The following OXCT1 variants were observed in gnomAD, a reference collection of about 807,000 sequenced individuals.
The protein encoded by OXCT1 is succinyl-CoA:3-ketoacid coenzyme A transferase 1, mitochondrial.
In OXCT1, 27 loss-of-function variants were observed where a neutral mutation model predicts 69.6. The ratio of observed to expected loss-of-function variants is 0.39; its 90% confidence interval spans 0.29 to 0.54. The LOEUF (loss-of-function observed/expected upper bound fraction) is 0.54, where lower values mean the gene tolerates loss of function less well. OXCT1 is among the 20% of genes least tolerant of loss of function. The pLI is 0.72. For missense variants in OXCT1, 437 were observed against 650.2 expected (o/e 0.67, Z 3.57); for synonymous variants, 202 against 217.8 (o/e 0.93, Z 0.64).
intron 13 of OXCT1, among the ~76,000 whole-genome samples, chr5:41,790,799 A>C (rs547935724): frequency 1.1e-4 from 17 of 152,350 alleles, no homozygotes; most frequent in African/African-American, 3.8e-4. Flanking sequence ...CTGAAATTAC[A>C]TAAGGAAGGT....
intron 16 of OXCT1, among the ~76,000 whole-genome samples, chr5:41,736,946 G>T (rs1338894848): frequency 1.3e-5 from 2 of 152,160 alleles, no homozygotes; most frequent in African/African-American, 4.8e-5. Flanking sequence ...AATGTCTTCT[G>T]AATTGTCAAG....
intron 3 of OXCT1, among the ~76,000 whole-genome samples, chr5:41,857,616 A>G (rs975791414): frequency 6.6e-6 from 1 of 152,210 alleles, no homozygotes; most frequent in Admixed American, 6.5e-5. Flanking sequence ...GTTACAGCCT[A>G]TTGGATAACC....
At chr5:41,736,354 C>G (rs569966699) in intron 16 of OXCT1, among the ~76,000 whole-genome samples, 12 of 152,326 alleles carry the variant, frequency 7.9e-5, no homozygotes, top group Non-Finnish European at 1.3e-4. Flanking sequence ...CGATGGAAAA[C>G]TCCAACTTTC....
chr5:41,737,679 A>G (rs543219727), intron 16 of OXCT1, among the ~76,000 whole-genome samples: 7 of 152,376 alleles, frequency 4.6e-5, no homozygotes, highest in Non-Finnish European at 1.0e-4. Context: ...ACATTCAAAA[A>G]AAGTTAATAG....
chr5:41,868,362 G>A (rs1454519472), intron 1 of OXCT1, among the ~76,000 whole-genome samples: 2 of 152,152 alleles, frequency 1.3e-5, no homozygotes, highest in Non-Finnish European at 2.9e-5. Flanking sequence ...CTGTCATCTG[G>A]TTGAGGAGAC....
chr5:41,819,933 C>A (rs923446500), intron 7 of OXCT1, among the ~76,000 whole-genome samples: 2 of 152,102 alleles, frequency 1.3e-5, no homozygotes, highest in Non-Finnish European at 2.9e-5. Flanking sequence ...CTACTAACTA[C>A]AGGCAATCAA....
Position 41,870,003 on chromosome 5 carries a change from C to A in OXCT1, c.78+278G>T. 3 of 481,240 alleles carry A rather than the reference C, an allele frequency of 6.2e-6. No homozygotes were observed. Among genetic ancestry groups the A allele is most frequent in the Non-Finnish European group, 7.7e-6 (2 of 261,386 alleles). The allele number at this position is 481,240 out of a possible 1,614,324, so 29.8% of individuals were successfully genotyped here. A position where few individuals can be genotyped will look rare whatever the true frequency, so the allele number is the denominator to read the frequency against. Reference sequence around the variant, plus strand: ...GCGCCAAAGGGCTCGGGAGCGCTGCCAGGAGTCCTCCCGCCCCTTCTCAGC... The same window carrying A: ...GCGCCAAAGGGCTCGGGAGCGCTGCAAGGAGTCCTCCCGCCCCTTCTCAGC... On this transcript the variant is annotated intron_variant, in intron 1 of 16. Transcript: ENST00000196371. The surrounding 1 kb of genome is among the most constrained non-coding windows in gnomAD (Gnocchi z 4.2).
chr5:41,734,704 G>A (rs1156273403), intron 16 of OXCT1, among the ~76,000 whole-genome samples: 1 of 152,114 alleles, frequency 6.6e-6, no homozygotes, highest in Non-Finnish European at 1.5e-5. Flanking sequence ...TGAAAATGTT[G>A]GGCCCTAGTA....
At chr5:41,834,725 G>A (rs777885219) in intron 7 of OXCT1, among the ~76,000 whole-genome samples, 2 of 152,016 alleles carry the variant, frequency 1.3e-5, no homozygotes, top group African/African-American at 4.8e-5. Flanking sequence ...TACAACAGCT[G>A]GAGACTTCCA....
intron 12 of OXCT1, chr5:41,794,367 A>G (rs1305758050): frequency 1.7e-6 from 1 of 593,446 alleles, no homozygotes; most frequent in Admixed American, 3.1e-5. Flanking sequence ...GAACACAAAC[A>G]CTAGCTAGAA....
intron 13 of OXCT1, among the ~76,000 whole-genome samples, chr5:41,792,970 T>C (rs936210986): frequency 1.3e-5 from 2 of 152,178 alleles, no homozygotes; most frequent in African/African-American, 2.4e-5. Context: ...GGTATTCTAA[T>C]ACACCACCAA....
At chr5:41,766,322 C>A (rs1005705348) in intron 13 of OXCT1, among the ~76,000 whole-genome samples, 1 of 152,002 alleles carries the variant, frequency 6.6e-6, no homozygotes, top group Non-Finnish European at 1.5e-5. Flanking sequence ...TTCAAGTATC[C>A]TCAATTCACA....
At chr5:41,770,112 T>C (rs192027950) in intron 13 of OXCT1, among the ~76,000 whole-genome samples, 1 of 152,212 alleles carries the variant, frequency 6.6e-6, no homozygotes, top group Non-Finnish European at 1.5e-5. Context: ...TTCAACCCAG[T>C]GCAGTTGCTA....
intron 14 of OXCT1, among the ~76,000 whole-genome samples, chr5:41,761,088 T>A (rs1287723716): frequency 6.6e-6 from 1 of 152,034 alleles, no homozygotes; most frequent in Non-Finnish European, 1.5e-5. Context: ...TAAAGGAGGA[T>A]GAAGAGAAGG....
chr5:41,798,330 C>T (rs1746273747), intron 11 of OXCT1, among the ~76,000 whole-genome samples: 1 of 152,180 alleles, frequency 6.6e-6, no homozygotes, highest in Non-Finnish European at 1.5e-5. Flanking sequence ...CCCTGTGATT[C>T]TTCAGATGTG....
At chr5:41,849,545 A>T (rs887649545) in intron 5 of OXCT1, among the ~76,000 whole-genome samples, 4 of 152,198 alleles carry the variant, frequency 2.6e-5, no homozygotes, top group Admixed American at 6.5e-5. Flanking sequence ...TGTGTCCAAG[A>T]TACAAAATAA....
At chr5:41,852,302 G>T (rs531495564) in intron 4 of OXCT1, among the ~76,000 whole-genome samples, 2 of 152,280 alleles carry the variant, frequency 1.3e-5, no homozygotes, top group South Asian at 4.1e-4. Flanking sequence ...GAGTGACCAG[G>T]TGTGACTGCA....
At position 41,842,731 on chromosome 5, in the gene OXCT1, C is replaced by T. The variant is rs1473913282; in HGVS notation, c.615G>A (p.Gly205=). 1 of 1,613,854 alleles carries T rather than the reference C, an allele frequency of 6.2e-7. No homozygotes were observed. Among genetic ancestry groups the T allele is most frequent in the Non-Finnish European group, 8.5e-7 (1 of 1,179,772 alleles). Residue 205 remains glycine (G), a synonymous_variant, in exon 6 of 17, where the codon GGG becomes GGA. Coordinates refer to ENST00000196371, the MANE Select transcript of OXCT1 (RefSeq NM_000436.4). ...QHFILEEAIT[G]DFALVKAWKA... Reference sequence around the variant, plus strand: ...TCCAGGCTTTCACCAAAGCAAAATCCCCTGTAATTGCTTCCTCCAAAATAA... The same window carrying T: ...TCCAGGCTTTCACCAAAGCAAAATCTCCTGTAATTGCTTCCTCCAAAATAA...
chr5:41,745,162 T>A (rs1743405210), intron 15 of OXCT1, among the ~76,000 whole-genome samples: 1 of 151,808 alleles, frequency 6.6e-6, no homozygotes, highest in South Asian at 2.1e-4. Context: ...AAAGCACTCC[T>A]CAGCAAATGT....
Sources: gnomAD v4.1 joint callset for allele counts (sites outside exome capture counted in the v4.1 genomes callset) on GRCh38, gnomAD v4.1.1 for gene constraint, Gnocchi (gnomAD v3.1) non-coding constraint, MANE v1.5 for transcripts, NCBI Gene and HGNC (gene_info 2026-07-23, HGNC 2026-07-21) for gene names.